TTC23L: variants seen among roughly 807,000 people sequenced by gnomAD.
The protein encoded by TTC23L is tetratricopeptide repeat protein 23-like.
In TTC23L, 42 loss-of-function variants were observed where a neutral mutation model predicts 48.1. That is an observed-to-expected ratio of 0.87 (90% CI 0.68 to 1.13). TTC23L has a LOEUF of 1.13. Among genes scored for constraint, TTC23L ranks in the 50% most tolerant of loss-of-function variants. TTC23L has a pLI of 0.00. For missense variants in TTC23L, 391 were observed against 421.0 expected, an observed-to-expected ratio of 0.93 and a Z score of 0.62; for synonymous variants, 159 against 157.2, an observed-to-expected ratio of 1.01 and a Z score of -0.09.
At chr5:34,879,515 A>AAACATTACTAT (rs1421350084) in intron 8 of TTC23L, among the ~76,000 whole-genome samples, 1 of 152,188 alleles carries the variant, frequency 6.6e-6, no homozygotes. Context: ...GAACCTTAGT[A>AAACATTACTAT]AACATTACTA....
the TTC23L span, among the ~76,000 whole-genome samples, chr5:34,911,373 G>A: frequency 1.3e-5 from 2 of 152,152 alleles, no homozygotes; most frequent in South Asian, 4.1e-4. Context: ...GAAATAGTGA[G>A]TTAATCTTCC....
chr5:34,876,033 G>A (rs779038784), intron 8 of TTC23L, among the ~76,000 whole-genome samples: 1 of 152,158 alleles, frequency 6.6e-6, no homozygotes, highest in Non-Finnish European at 1.5e-5. Context: ...ATATCTAAAT[G>A]TGTGGGATAA....
chr5:34,901,128 G>A (rs1199746319), downstream of TTC23L, among the ~76,000 whole-genome samples: 3 of 151,668 alleles, frequency 2.0e-5, no homozygotes, highest in East Asian at 5.8e-4. Flanking sequence ...AAATAGACTA[G>A]TATATACATA....
the TTC23L span, chr5:34,914,500 G>A: frequency 1.7e-6 from 1 of 601,454 alleles, no homozygotes; most frequent in Non-Finnish European, 2.9e-6. Flanking sequence ...ATTTGTTACC[G>A]GGAGAGAAAA....
At chr5:34,922,250 T>C in the TTC23L span, 1 of 1,593,038 alleles carries the variant, frequency 6.3e-7, no homozygotes, top group Non-Finnish European at 8.6e-7. Context: ...TAAATGCATC[T>C]ATTTTGAAGC....
intron 4 of TTC23L, among the ~76,000 whole-genome samples, chr5:34,859,827 T>TTCTTTTCTTC (rs893599075): frequency 6.9e-6 from 1 of 145,646 alleles, no homozygotes; most frequent in African/African-American, 2.6e-5. Flanking sequence ...TTCTTTTCTT[T>TTCTTTTCTTC]TCTTTTCTTC....
chr5:34,907,938 C>T, the TTC23L span: 1 of 152,174 alleles, frequency 6.6e-6, no homozygotes, highest in Non-Finnish European at 1.5e-5. Flanking sequence ...GCATCAGAAT[C>T]TCCTGAGGGA....
At chr5:34,904,393 A>G (rs746842555), downstream of TTC23L, among the ~76,000 whole-genome samples, 7 of 151,478 alleles carry the variant, frequency 4.6e-5, no homozygotes, top group Non-Finnish European at 7.4e-5. Flanking sequence ...CAAAAGATCG[A>G]GACCATCCTG....
intron 7 of TTC23L, chr5:34,867,299 C>T: frequency 1.8e-6 from 1 of 565,222 alleles, no homozygotes; most frequent in Non-Finnish European, 3.2e-6. Flanking sequence ...GCTGTGCAGA[C>T]AGCACTTCCC....
At chr5:34,914,798 T>A in the TTC23L span, 2 of 1,614,240 alleles carry the variant, frequency 1.2e-6, no homozygotes, top group Non-Finnish European at 1.7e-6. Flanking sequence ...ATGAATAGCT[T>A]TCAAGATAGT....
intron 9 of TTC23L, among the ~76,000 whole-genome samples, chr5:34,889,712 A>G (rs952750821): frequency 3.3e-5 from 5 of 152,202 alleles, no homozygotes; most frequent in African/African-American, 1.2e-4. Context: ...TGTTTTCTTA[A>G]TCAGTAACTG....
At chr5:34,925,572 A>G in the TTC23L span, 2 of 1,261,996 alleles carry the variant, frequency 1.6e-6, no homozygotes, top group East Asian at 2.5e-5. Flanking sequence ...TTTATTATCT[A>G]ATACTATCTT....
rs574682132 is a variant in TTC23L at position 34,891,664 on chromosome 5, A to G, written c.1078-5106A>G. Among the ~76,000 whole-genome samples, 6 of 152,362 alleles carry G rather than the reference A, an allele frequency of 3.9e-5. No individual in the cohort carries two copies. The South Asian group carries it at 8.3e-4, about 21-fold the overall frequency. On this transcript the variant is annotated intron_variant, in intron 9 of 10. Transcript: ENST00000505624. The stretch of plus-strand genomic sequence containing the variant: ...TAATGAAACTAAAAGAACAAAATGT[A>G]TAATTTCAGAGAAAAAATGCATGAT...
chr5:34,909,372 A>G, the TTC23L span: 3 of 1,506,274 alleles, frequency 2.0e-6, no homozygotes, highest in Non-Finnish European at 2.8e-6. Flanking sequence ...GAAAATGATT[A>G]CCTCATTTAT....
the TTC23L span, chr5:34,913,613 AAAG>A: frequency 1.7e-5 from 22 of 1,322,356 alleles, no homozygotes; most frequent in Non-Finnish European, 2.2e-5. Context: ...TTGTTACATA[AAAG>A]AATAAAAACT....
At chr5:34,900,016 C>T (rs1223393562), downstream of TTC23L, among the ~76,000 whole-genome samples, 2 of 152,188 alleles carry the variant, frequency 1.3e-5, no homozygotes, top group Non-Finnish European at 2.9e-5. Context: ...CATTACCTTC[C>T]ATTTCCCTTT....
chr5:34,914,769 A>C, the TTC23L span: 1 of 1,614,268 alleles, frequency 6.2e-7, no homozygotes, highest in Non-Finnish European at 8.5e-7. Flanking sequence ...GTTGCGAAAC[A>C]CGTGGCATGT....
intron 1 of TTC23L, chr5:34,839,594 A>G (rs541637999): frequency 1.0e-6 from 1 of 983,980 alleles, no homozygotes; most frequent in East Asian, 1.1e-4. Context: ...GTGGAGGTTA[A>G]AAAGAGAAAT....
chr5:34,877,434 T>C (rs1213840634), intron 8 of TTC23L, among the ~76,000 whole-genome samples: 1 of 151,958 alleles, frequency 6.6e-6, no homozygotes. Context: ...TTCTTTTTTC[T>C]TTTTTTGAGA....
Sources: allele counts gnomAD v4.1 joint callset (sites outside exome capture counted in the v4.1 genomes callset), GRCh38; gene constraint gnomAD v4.1.1; transcripts MANE v1.5; gene names NCBI Gene and HGNC (gene_info 2026-07-23, HGNC 2026-07-21).